Variants in SLC39A12 observed in about 807,000 individuals in gnomAD.
The protein encoded by SLC39A12 is solute carrier family 39 member 12, also known as zinc transporter ZIP12.
A neutral mutation model predicts 71.1 loss-of-function variants in SLC39A12; 63 were observed. That is an observed-to-expected ratio of 0.89 (90% CI 0.72 to 1.09). SLC39A12 has a LOEUF of 1.09. Among genes scored for constraint, SLC39A12 ranks in the 50% least tolerant of loss-of-function variants. The pLI, the probability that SLC39A12 is intolerant of heterozygous loss-of-function variation, is 0.00. For missense variants in SLC39A12, 892 were observed against 812.6 expected (o/e 1.10, Z -1.19); for synonymous variants, 351 against 301.3 (o/e 1.16, Z -1.71).
At chr10:18,039,759 C>T (rs552482753) in intron 12 of SLC39A12, among the ~76,000 whole-genome samples, 55 of 152,240 alleles carry the variant, frequency 3.6e-4, no homozygotes, top group South Asian at 1.7e-3. Context: ...GGAAAATTCC[C>T]ATGTATGTAC....
intron 12 of SLC39A12, among the ~76,000 whole-genome samples, chr10:18,016,746 G>A (rs1836396447): frequency 6.6e-6 from 1 of 152,078 alleles, no homozygotes; most frequent in Non-Finnish European, 1.5e-5. Context: ...TCTAATAGGT[G>A]TATGGAGGTA....
chr10:17,987,358 TA>T lies in SLC39A12; in HGVS notation c.1097-115del, dbSNP rs568970301. On this transcript the variant is annotated intron_variant, in intron 6 of 12. Coordinates refer to ENST00000377369, the MANE Select transcript of SLC39A12 (RefSeq NM_001145195.2). ...TCAAAATAAAAACAAAACACTTATT[TA>T]AAAAATCCATATCCCTACTGGCTGT... 81 of 830,696 alleles carry T rather than the reference TA, an allele frequency of 9.8e-5. 1 individual carries two copies. In the South Asian group the frequency reaches 1.3e-3, roughly 14 times the overall value. 51.5% of individuals were successfully genotyped at this position (830,696 alleles called of 1,614,324 possible). A position where few individuals can be genotyped will look rare whatever the true frequency, so the allele number is the denominator to read the frequency against.
intron 2 of SLC39A12, 26 bp from the exon 3 acceptor site, chr10:17,961,555 G>A: frequency 1.3e-6 from 2 of 1,584,250 alleles, no homozygotes; most frequent in South Asian, 2.4e-5. Flanking sequence ...TGTTTCTTTT[G>A]TTGTTGTTAT....
chr10:18,041,831 A>G (rs1837260905), intron 12 of SLC39A12, among the ~76,000 whole-genome samples: 2 of 143,370 alleles, frequency 1.4e-5, no homozygotes, highest in African/African-American at 2.8e-5. Flanking sequence ...ATGTATGTAC[A>G]TACATATGTA....
At chr10:18,037,279 A>C (rs1440403471) in intron 12 of SLC39A12, among the ~76,000 whole-genome samples, 1 of 152,218 alleles carries the variant, frequency 6.6e-6, no homozygotes, top group South Asian at 2.1e-4. Context: ...TCAAATTTTC[A>C]TGAAGTGCAG....
chr10:18,027,672 G>A (rs1033890913), intron 12 of SLC39A12, among the ~76,000 whole-genome samples: 5 of 152,214 alleles, frequency 3.3e-5, no homozygotes, highest in African/African-American at 9.6e-5. Context: ...GCTCTGGTAA[G>A]TTGTGATTGT....
intron 4 of SLC39A12, among the ~76,000 whole-genome samples, chr10:17,974,917 A>G (rs1835071883): frequency 6.6e-6 from 1 of 152,032 alleles, no homozygotes; most frequent in Non-Finnish European, 1.5e-5. Context: ...TAGAGTCAAA[A>G]CCTTAGAAGT....
At chr10:17,952,304 AGTGAGT>A (rs1367505234) in intron 1 of SLC39A12, among the ~76,000 whole-genome samples, 14 of 85,444 alleles carry the variant, frequency 1.6e-4, no homozygotes, top group Admixed American at 1.1e-3. Flanking sequence ...GTCACCACTG[AGTGAGT>A]GTGTGTGTGT....
chr10:18,006,304 T>G (rs1396073990), intron 12 of SLC39A12, among the ~76,000 whole-genome samples: 1 of 152,232 alleles, frequency 6.6e-6, no homozygotes, highest in Non-Finnish European at 1.5e-5. Flanking sequence ...AAGTCCTTTC[T>G]GGGGAAAAGT....
At chr10:18,014,977 C>T (rs1836335410) in intron 12 of SLC39A12, among the ~76,000 whole-genome samples, 1 of 152,166 alleles carries the variant, frequency 6.6e-6, no homozygotes, top group African/African-American at 2.4e-5. Flanking sequence ...AGCACTACAA[C>T]AACTAGCAAG....
chr10:17,991,027 G>T (rs903667416), intron 7 of SLC39A12, 124 bp from the exon 8 acceptor site: 5 of 986,994 alleles, frequency 5.1e-6, no homozygotes, highest in African/African-American at 5.0e-5. Flanking sequence ...ATTAATAGTT[G>T]TCACGGCATT....
chr10:17,967,436 T>C (rs1415605682), intron 4 of SLC39A12, among the ~76,000 whole-genome samples: 1 of 152,174 alleles, frequency 6.6e-6, no homozygotes, highest in Non-Finnish European at 1.5e-5. Context: ...ACTAGCGTAA[T>C]AATCCTATAA....
At chr10:18,002,346 T>G (rs1242663289) in intron 11 of SLC39A12, 2 of 152,210 alleles carry the variant, frequency 1.3e-5, no homozygotes, top group African/African-American at 4.8e-5. Flanking sequence ...AGGTCCTCCC[T>G]GGGCTCATTA....
intron 7 of SLC39A12, among the ~76,000 whole-genome samples, chr10:17,990,885 A>C (rs1479416423): frequency 6.6e-6 from 1 of 152,234 alleles, no homozygotes; most frequent in African/African-American, 2.4e-5. Flanking sequence ...CTTAGGCTTC[A>C]TTCTGTTCAT....
At chr10:18,029,267 G>A (rs566223232) in intron 12 of SLC39A12, among the ~76,000 whole-genome samples, 112 of 152,236 alleles carry the variant, frequency 7.4e-4, no homozygotes, top group African/African-American at 2.5e-3. Context: ...CAGAACTTGC[G>A]AGGACCATTC....
intron 5 of SLC39A12, 136 bp downstream of exon 5, chr10:17,978,210 C>G: frequency 1.5e-6 from 1 of 667,354 alleles, no homozygotes; most frequent in East Asian, 3.1e-5. Context: ...CTAGTTCCAC[C>G]ACGTAGTTAC....
intron 12 of SLC39A12, among the ~76,000 whole-genome samples, chr10:18,026,240 T>C (rs546783250): frequency 7.6e-4 from 116 of 152,322 alleles, no homozygotes; most frequent in African/African-American, 2.6e-3. Flanking sequence ...GCATGGCTAC[T>C]GGCAACAAAC....
At chr10:17,952,792 C>T (rs1472118144) in intron 1 of SLC39A12, among the ~76,000 whole-genome samples, 2 of 151,284 alleles carry the variant, frequency 1.3e-5, no homozygotes, top group Non-Finnish European at 2.9e-5. Context: ...TGGCCTAAAA[C>T]TTTTAAACTC....
At chr10:18,026,727 T>C (rs1298825726) in intron 12 of SLC39A12, among the ~76,000 whole-genome samples, 1 of 152,092 alleles carries the variant, frequency 6.6e-6, no homozygotes, top group Non-Finnish European at 1.5e-5. Context: ...CTTTTTTCTC[T>C]ACTTTTCTGT....
Sources: allele counts gnomAD v4.1 joint callset (sites outside exome capture counted in the v4.1 genomes callset), GRCh38; gene constraint gnomAD v4.1.1; transcripts MANE v1.5; gene names NCBI Gene and HGNC (gene_info 2026-07-23, HGNC 2026-07-21).